Variants in MARCHF6 observed in about 807,000 individuals in gnomAD.
The protein encoded by MARCHF6 is membrane associated ring-CH-type finger 6.
MARCHF6 carries 31 observed loss-of-function variants against 133.7 expected under a neutral mutation model. The ratio of observed to expected loss-of-function variants is 0.23; its 90% CI spans 0.17 to 0.31. The LOEUF is 0.31. Among genes scored for constraint, MARCHF6 ranks in the 10% least tolerant of loss-of-function variants. The probability of loss-of-function intolerance (pLI) is 1.00; values close to 1 mark genes in which losing one functional copy is unlikely to be tolerated. For missense variants in MARCHF6, 723 were observed against 1,121.6 expected, an observed-to-expected ratio of 0.64 and a Z score of 5.08; for synonymous variants, 395 against 402.5, an observed-to-expected ratio of 0.98 and a Z score of 0.22.
At chr5:10,387,150 T>C in intron 5 of MARCHF6, 84 bp downstream of exon 5, 1 of 1,016,772 alleles carries the variant, frequency 9.8e-7, no homozygotes, top group Non-Finnish European at 1.4e-6. Flanking sequence ...TATTATAATT[T>C]GTAAATTCTT....
At chr5:10,414,625 C>G (rs1739404905) in intron 20 of MARCHF6, 123 bp downstream of exon 20, 1 of 708,458 alleles carries the variant, frequency 1.4e-6, no homozygotes, top group Non-Finnish European at 2.4e-6. Flanking sequence ...TTACTGCAGC[C>G]TTGAACTACT....
Position 10,395,345 on chromosome 5 carries a change from GTCT to G in MARCHF6, c.861+565_861+567del, listed in dbSNP as rs1016363991. Among the ~76,000 whole-genome samples the G allele has an allele frequency of 2.5e-4, 38 of 152,216 alleles. No homozygotes were observed. The Middle Eastern group carries it at 0.014, about 54-fold the overall frequency. ...GTTAATGGTAGTTAAAAAGAACTTG[GTCT>G]TCTTTTAAAGTTTCATCTTGCAGTG... On this transcript the variant is annotated intron_variant, in intron 9 of 25. Transcript: ENST00000274140.
intron 9 of MARCHF6, 38 bp from the exon 10 acceptor site, chr5:10,397,255 T>C (rs747562973): frequency 2.1e-6 from 3 of 1,427,916 alleles, no homozygotes; most frequent in Non-Finnish European, 2.9e-6. Context: ...ACATTAAGTA[T>C]GAATTGAATA....
At chr5:10,381,043 A>G (rs1579550639) in intron 3 of MARCHF6, among the ~76,000 whole-genome samples, 2 of 152,226 alleles carry the variant, frequency 1.3e-5, no homozygotes, top group Middle Eastern at 3.4e-3. Flanking sequence ...AAACCCTGAT[A>G]TATCATAATT....
At chr5:10,378,430 G>C (rs1021099390) in intron 2 of MARCHF6, among the ~76,000 whole-genome samples, 2 of 152,188 alleles carry the variant, frequency 1.3e-5, no homozygotes, top group African/African-American at 4.8e-5. Context: ...TTCAGACCTA[G>C]CTACCAGGTA....
chr5:10,405,732 G>C, intron 16 of MARCHF6, 55 bp downstream of exon 16: 1 of 1,500,256 alleles, frequency 6.7e-7, no homozygotes. Context: ...CTAACCTATA[G>C]TTTTGTTTAG....
chr5:10,403,967 G>A (rs1224820024), intron 15 of MARCHF6, among the ~76,000 whole-genome samples: 2 of 151,982 alleles, frequency 1.3e-5, no homozygotes, highest in South Asian at 2.1e-4. Flanking sequence ...TGATTTAGGC[G>A]CCTTAAGTAT....
At chr5:10,364,105 T>C (rs1381974521) in intron 1 of MARCHF6, among the ~76,000 whole-genome samples, 1 of 152,256 alleles carries the variant, frequency 6.6e-6, no homozygotes, top group African/African-American at 2.4e-5. Context: ...TATATCTGAA[T>C]AAAATTGTTA....
chr5:10,422,804 A>G (rs1215588757), intron 22 of MARCHF6, among the ~76,000 whole-genome samples: 1 of 151,884 alleles, frequency 6.6e-6, no homozygotes, highest in African/African-American at 2.4e-5. Context: ...ATGATACTAC[A>G]TACTTTCTAT....
intron 19 of MARCHF6, among the ~76,000 whole-genome samples, chr5:10,412,621 T>G (rs1407998032): frequency 2.0e-5 from 3 of 152,184 alleles, no homozygotes; most frequent in Non-Finnish European, 4.4e-5. Context: ...TTGCCCAGGC[T>G]TGGTTGCAGT....
chr5:10,395,590 T>C (rs1334578074), intron 9 of MARCHF6, among the ~76,000 whole-genome samples: 2 of 152,218 alleles, frequency 1.3e-5, no homozygotes, highest in Non-Finnish European at 2.9e-5. Context: ...TCCTGTAATA[T>C]GAAGTTATTT....
intron 22 of MARCHF6, 157 bp downstream of exon 22, chr5:10,417,561 C>A: frequency 1.2e-6 from 1 of 853,778 alleles, no homozygotes; most frequent in Non-Finnish European, 1.8e-6. Context: ...GCCTGGGCAG[C>A]ATGGCAAGAC....
At chr5:10,354,296 C>G (rs1401399024) in intron 1 of MARCHF6, among the ~76,000 whole-genome samples, 1 of 152,192 alleles carries the variant, frequency 6.6e-6, no homozygotes, top group Non-Finnish European at 1.5e-5. Context: ...TTTTGTCTTT[C>G]TTTACGTCCT....
At chr5:10,407,055 G>T in intron 16 of MARCHF6, 47 bp from the exon 17 acceptor site, 1 of 1,049,084 alleles carries the variant, frequency 9.5e-7, no homozygotes, top group South Asian at 1.3e-5. Context: ...TCTTGCACAG[G>T]AGTGATTGAC....
intron 4 of MARCHF6, among the ~76,000 whole-genome samples, chr5:10,384,321 C>CA (rs76150679): frequency 8.0e-4 from 114 of 142,352 alleles, no homozygotes; most frequent in South Asian, 1.3e-3. Context: ...TTCTGGCACT[C>CA]AAAAAAAAAA....
At chr5:10,367,363 A>G (rs1171874957) in intron 1 of MARCHF6, among the ~76,000 whole-genome samples, 1 of 152,192 alleles carries the variant, frequency 6.6e-6, no homozygotes, top group East Asian at 1.9e-4. Context: ...AGTAGGGGAT[A>G]TTGTGTGCTG....
At chr5:10,381,555 T>A (rs1737146943) in intron 3 of MARCHF6, among the ~76,000 whole-genome samples, 1 of 152,212 alleles carries the variant, frequency 6.6e-6, no homozygotes, top group Non-Finnish European at 1.5e-5. Context: ...GATGTGAACA[T>A]CTATTGAATT....
Position 10,406,957 on chromosome 5 carries a change from G to A in MARCHF6, c.1453-145G>A, listed in dbSNP as rs183662240. 2.0e-4 allele frequency: 91 copies of A among 466,570 alleles called. No homozygotes were observed. In the East Asian group the frequency reaches 2.9e-3, roughly 15 times the overall value. 28.9% of individuals were successfully genotyped at this position (466,570 alleles called of 1,614,324 possible). Reference sequence around the variant, plus strand: ...ACATTTTTATACAAAATGACTCAAAGATAATGTGTAGAGTGGGAACCGCTT... The same window carrying A: ...ACATTTTTATACAAAATGACTCAAAAATAATGTGTAGAGTGGGAACCGCTT... On this transcript the variant is annotated intron_variant, in intron 16 of 25. Coordinates refer to ENST00000274140, the MANE Select transcript of MARCHF6 (RefSeq NM_005885.4).
At chr5:10,408,705 ATTTTTGTAT>A (rs372164663) in intron 17 of MARCHF6, among the ~76,000 whole-genome samples, 17 of 152,060 alleles carry the variant, frequency 1.1e-4, no homozygotes, top group African/African-American at 3.9e-4. Flanking sequence ...CACCTGCCTA[ATTTTTGTAT>A]TTTTTGGGGA....
Sources: allele counts gnomAD v4.1 joint callset (sites outside exome capture counted in the v4.1 genomes callset), GRCh38; gene constraint gnomAD v4.1.1; transcripts MANE v1.5; gene names NCBI Gene and HGNC (gene_info 2026-07-23, HGNC 2026-07-21).